Variants in RIMS2 observed in about 807,000 individuals in gnomAD.
RIMS2 encodes the protein regulating synaptic membrane exocytosis 2, also known as regulating synaptic membrane exocytosis protein 2.
Under a neutral mutation model 174.4 loss-of-function variants are expected in RIMS2, and 59 were observed. The ratio of observed to expected loss-of-function variants is 0.34; its 90% confidence interval spans 0.27 to 0.42. The LOEUF is 0.42. Ranked by LOEUF, RIMS2 falls within the 10% of genes least tolerant of loss-of-function variation. The pLI is 1.00. For missense variants in RIMS2, 1,620 were observed against 1,666.3 expected (o/e 0.97, Z 0.48); for synonymous variants, 606 against 572.5 (o/e 1.06, Z -0.84).
At position 103,910,884 on chromosome 8, in the gene RIMS2, A is replaced by G. The variant is rs149509560; in HGVS notation, c.1692+683A>G. On this transcript the variant is annotated intron_variant, in intron 5 of 23. Coordinates refer to ENST00000504942, the Ensembl canonical transcript of RIMS2. The stretch of plus-strand genomic sequence containing the variant: ...TGGATTGGCTTATTTGATTGTTTGC[A>G]TATATTTTCCTTGGGATGAAAATTA... 3.3e-3 allele frequency among the ~76,000 whole-genome samples: 505 copies of G among 152,356 alleles called. 2 individuals are homozygous for G. The highest frequency in any genetic ancestry group is 0.011 in the African/African-American group (478 of 41,590).
exon 3 of RIMS2, chr8:103,766,250 C>G: frequency 6.2e-7 from 1 of 1,612,154 alleles, no homozygotes; most frequent in Non-Finnish European, 8.5e-7. Flanking sequence ...GTAATTTGTG[C>G]CGAAAACAAC....
intron 10 of RIMS2, among the ~76,000 whole-genome samples, chr8:103,924,872 T>G (rs2078446745): frequency 6.6e-6 from 1 of 151,656 alleles, no homozygotes; most frequent in South Asian, 2.1e-4. Flanking sequence ...CTGCTTATTA[T>G]TCTAGAGCAT....
At chr8:103,585,847 TAACA>T (rs1424347090) in intron 1 of RIMS2, among the ~76,000 whole-genome samples, 1 of 151,422 alleles carries the variant, frequency 6.6e-6, no homozygotes, top group Non-Finnish European at 1.5e-5. Context: ...TATACCTGTG[TAACA>T]AACCTGCACT....
chr8:104,248,044 G>C (rs1588219416), intron 20 of RIMS2, among the ~76,000 whole-genome samples: 2 of 152,172 alleles, frequency 1.3e-5, no homozygotes, highest in African/African-American at 4.8e-5. Flanking sequence ...AAAGCAGTGG[G>C]AGACAGTGCT....
chr8:103,579,064 G>A (rs914788737), intron 1 of RIMS2, among the ~76,000 whole-genome samples: 7 of 151,914 alleles, frequency 4.6e-5, no homozygotes, highest in Non-Finnish European at 1.0e-4. Context: ...GTCTTTCCCA[G>A]ATACACAAAA....
chr8:103,696,834 G>A (rs973767719), intron 1 of RIMS2, among the ~76,000 whole-genome samples: 1 of 128,580 alleles, frequency 7.8e-6, no homozygotes, highest in Non-Finnish European at 1.6e-5. Context: ...CTGCACTTTA[G>A]CCTGGGTAAC....
At chr8:104,111,642 G>A (rs1197172163) in intron 19 of RIMS2, among the ~76,000 whole-genome samples, 1 of 152,072 alleles carries the variant, frequency 6.6e-6, no homozygotes, top group Non-Finnish European at 1.5e-5. Flanking sequence ...TCTTGACCGC[G>A]TGATCCACCT....
chr8:103,911,302 C>T (rs1374999280), intron 5 of RIMS2, among the ~76,000 whole-genome samples: 1 of 151,852 alleles, frequency 6.6e-6, no homozygotes, highest in East Asian at 1.9e-4. Context: ...CTTGGTTCAG[C>T]CCTGAGAAAG....
chr8:103,782,097 C>A (rs996323909), intron 3 of RIMS2, among the ~76,000 whole-genome samples: 1 of 150,082 alleles, frequency 6.7e-6, no homozygotes. Flanking sequence ...TGCTCAATTT[C>A]GCTCAGTTTC....
chr8:104,073,773 C>T (rs1000382729), intron 19 of RIMS2, among the ~76,000 whole-genome samples: 1 of 152,176 alleles, frequency 6.6e-6, no homozygotes, highest in Non-Finnish European at 1.5e-5. Flanking sequence ...TATATCCTGT[C>T]GCTTTTTCCC....
At chr8:103,959,241 C>T (rs1388310279) in intron 14 of RIMS2, among the ~76,000 whole-genome samples, 1 of 152,022 alleles carries the variant, frequency 6.6e-6, no homozygotes, top group African/African-American at 2.4e-5. Context: ...TGCAAAATTA[C>T]AATTATAGTG....
chr8:104,239,946 A>G (rs370354524), intron 19 of RIMS2, among the ~76,000 whole-genome samples: 3 of 152,102 alleles, frequency 2.0e-5, no homozygotes, highest in Non-Finnish European at 2.9e-5. Context: ...ACAGAATCCA[A>G]TTCCTTACAG....
Position 103,555,420 on chromosome 8 carries a change from T to C in RIMS2, c.176+54358T>C, listed in dbSNP as rs372236440. 4.6e-5 allele frequency among the ~76,000 whole-genome samples: 7 copies of C among 152,256 alleles called. No individual in the cohort carries two copies. In the East Asian group the frequency reaches 5.8e-4, roughly 13 times the overall value. The stretch of plus-strand genomic sequence containing the variant: ...AACCCTTACACATGGTTGGTAGGAA[T>C]GTAAGTTAGTACAGCCATTATCAAA... On this transcript the variant is annotated intron_variant, in intron 1 of 23. Transcript: ENST00000504942.
At position 103,680,862 on chromosome 8, in the gene RIMS2, A is replaced by C. The variant is rs1156321029; in HGVS notation, c.177-16224A>C. Among the ~76,000 whole-genome samples the C allele has an allele frequency of 3.3e-5, 5 of 152,016 alleles. No individual in the cohort carries two copies. In the East Asian group the frequency reaches 9.6e-4, roughly 29 times the overall value. ...ATTGGCAAGAATGAGAGAAAACTAGAATATTCATACTTTGCTTGCAGGTGT... is the reference window on the plus strand; with the variant it reads ...ATTGGCAAGAATGAGAGAAAACTAGCATATTCATACTTTGCTTGCAGGTGT... On this transcript the variant is annotated intron_variant, in intron 1 of 23. Coordinates refer to ENST00000504942, the Ensembl canonical transcript of RIMS2.
intron 13 of RIMS2, among the ~76,000 whole-genome samples, chr8:103,940,961 T>C (rs1227962038): frequency 6.6e-6 from 1 of 152,050 alleles, no homozygotes; most frequent in African/African-American, 2.4e-5. Context: ...ATTCTGGAGC[T>C]AGCTGCCTGG....
Position 103,942,772 on chromosome 8 carries a change from G to T in RIMS2, c.2548-1G>T. 1 of 1,608,246 alleles carries T rather than the reference G, an allele frequency of 6.2e-7. No individual in the cohort carries two copies. Among genetic ancestry groups the T allele is most frequent in the Non-Finnish European group, 8.5e-7 (1 of 1,175,530 alleles). On this transcript the variant is annotated splice_acceptor_variant, in intron 13 of 23. Coordinates refer to ENST00000504942, the Ensembl canonical transcript of RIMS2. LOFTEE classifies it high-confidence loss of function. The stretch of plus-strand genomic sequence containing the variant: ...CCGTCCTTTGTCTCTTGGGTTTGTA[G>T]ATTTTAATTGAATTAGAAACAGCAT...
intron 19 of RIMS2, among the ~76,000 whole-genome samples, chr8:104,219,077 A>G (rs181465530): frequency 9.5e-4 from 144 of 152,362 alleles, no homozygotes; most frequent in Admixed American, 3.7e-3. Flanking sequence ...AAAAAGTGAT[A>G]CATAAATGAC....
intron 19 of RIMS2, among the ~76,000 whole-genome samples, chr8:104,121,293 G>T (rs2098370539): frequency 6.6e-6 from 1 of 152,104 alleles, no homozygotes; most frequent in Non-Finnish European, 1.5e-5. Flanking sequence ...AAATAGGAAA[G>T]AATCTGGGGA....
intron 15 of RIMS2, among the ~76,000 whole-genome samples, chr8:103,967,409 G>C (rs1334584241): frequency 6.6e-6 from 1 of 151,820 alleles, no homozygotes; most frequent in East Asian, 1.9e-4. Flanking sequence ...GGTCAGGCTG[G>C]TCTCAAACTC....
Sources: gnomAD v4.1 joint callset for allele counts (sites outside exome capture counted in the v4.1 genomes callset) on GRCh38, gnomAD v4.1.1 for gene constraint, MANE v1.5 for transcripts, NCBI Gene and HGNC (gene_info 2026-07-23, HGNC 2026-07-21) for gene names.